SLX4: variants seen among roughly 807,000 people sequenced by gnomAD.
SLX4 encodes structure-specific endonuclease subunit SLX4.
Under a neutral mutation model 146.2 loss-of-function variants are expected in SLX4, and 112 were observed. The ratio of observed to expected loss-of-function variants is 0.77; its 90% CI spans 0.66 to 0.90. The LOEUF (loss-of-function observed/expected upper bound fraction) is 0.90. Among genes scored for constraint, SLX4 ranks in the 40% least tolerant of loss-of-function variants. SLX4 has a pLI of 0.00. For missense variants in SLX4, 2,563 were observed against 2,392.7 expected (o/e 1.07, Z -1.49); for synonymous variants, 1,061 against 997.7 (o/e 1.06, Z -1.20).
chr16:3,608,366 A>G lies in SLX4; in HGVS notation c.535+64T>C, dbSNP rs553879377. The G allele has an allele frequency of 1.0e-5, 16 of 1,591,230 alleles. No homozygotes were observed. In the African/African-American group the frequency reaches 2.1e-4, roughly 21 times the overall value. On this transcript the variant is annotated intron_variant, in intron 2 of 14. Transcript: ENST00000294008. ...AGTCTGTGTGGCCTACAAAGCCAAA[A>G]TATTTACGATCTGGCCCTTTCCAGG...
Position 3,602,089 on chromosome 16 carries a change from G to T in SLX4, c.950+29C>A, listed in dbSNP as rs757789193. 7 of 1,613,726 alleles carry T rather than the reference G, an allele frequency of 4.3e-6. No individual in the cohort carries two copies. In the African/African-American group the frequency reaches 9.3e-5, roughly 22 times the overall value. On this transcript the variant is annotated intron_variant, in intron 4 of 14. Transcript: ENST00000294008. ...CTTGGGGATTCTGGTCACATACACG[G>T]GAGAGGCGACGGCCCAAGCTGCCCC...
chr16:3,602,174 A>C lies in SLX4; in HGVS notation c.894T>G (p.Ile298Met). ...LEEKGLFFCQICQKNLSAMNV... is the reference protein window; with the variant it reads ...LEEKGLFFCQMCQKNLSAMNV... ...TCATGGCTGAGAGGTTCTTTTGACAAATCTGGCAGAAGAACAAACCCTTTT... is the reference window on the plus strand; with the variant it reads ...TCATGGCTGAGAGGTTCTTTTGACACATCTGGCAGAAGAACAAACCCTTTT... The change falls in exon 4 of 15, where the codon ATT becomes ATG. Residue 298 changes from isoleucine (I) to methionine (M), a missense_variant. Coordinates refer to ENST00000294008, the MANE Select transcript of SLX4 (RefSeq NM_032444.4). The C allele has an allele frequency of 6.2e-7, 1 of 1,614,122 alleles. No homozygotes were observed. Among genetic ancestry groups the C allele is most frequent in the Non-Finnish European group, 8.5e-7 (1 of 1,180,022 alleles).
intron 12 of SLX4, among the ~76,000 whole-genome samples, chr16:3,587,586 C>T (rs963554332): frequency 2.0e-5 from 3 of 152,234 alleles, no homozygotes; most frequent in African/African-American, 7.2e-5. Context: ...ACGATTCTTC[C>T]TGTGGCCGCA....
intron 3 of SLX4, among the ~76,000 whole-genome samples, chr16:3,605,813 G>A (rs2040775246): frequency 6.6e-6 from 1 of 151,812 alleles, no homozygotes; most frequent in African/African-American, 2.4e-5. Flanking sequence ...CAGGCGTGGT[G>A]GTGGGAGCCT....
At chr16:3,588,661 A>G (rs2040536171) in intron 12 of SLX4, among the ~76,000 whole-genome samples, 1 of 152,214 alleles carries the variant, frequency 6.6e-6, no homozygotes, top group African/African-American at 2.4e-5. Flanking sequence ...TCCAATCTTA[A>G]GGCATGCCGA....
intron 11 of SLX4, among the ~76,000 whole-genome samples, chr16:3,591,558 T>C (rs2040596331): frequency 6.6e-6 from 1 of 152,170 alleles, no homozygotes; most frequent in African/African-American, 2.4e-5. Flanking sequence ...TAAAGGGGTG[T>C]GTCGGACTGA....
rs35214951 is a variant in SLX4, at chr16:3,604,819, C to CAAAAA, written c.760+1650_760+1654dup. Among the ~76,000 whole-genome samples, 412 of 106,012 alleles carry CAAAAA rather than the reference C, an allele frequency of 3.9e-3. 2 individuals carry two copies. Among genetic ancestry groups the CAAAAA allele is most frequent in the African/African-American group, 0.013 (380 of 29,192 alleles). The allele number at this position is 106,012 out of a possible 152,430, so 69.5% of individuals were successfully genotyped here. ...TGGGAGACAGACCAAGACTCCATCT[C>CAAAAA]AAAAAAAAAAAAAAATGTATATTTA... On this transcript the variant is annotated intron_variant, in intron 3 of 14. Transcript: ENST00000294008.
At chr16:3,588,812 A>G (rs962921979) in intron 12 of SLX4, among the ~76,000 whole-genome samples, 190 bp downstream of exon 12, 37 of 152,268 alleles carry the variant, frequency 2.4e-4, no homozygotes, top group Middle Eastern at 3.4e-3. Context: ...CTGGCTGAGA[A>G]GTGTAGCATG....
chr16:3,600,641 T>A (rs2040716120), intron 5 of SLX4: 1 of 292,496 alleles, frequency 3.4e-6, no homozygotes, highest in Non-Finnish European at 6.5e-6. Context: ...TCTCACTCTG[T>A]CCAGGCTGGA....
Position 3,591,220 on chromosome 16 carries a change from C to G in SLX4, c.2418G>C (p.Glu806Asp). The stretch of plus-strand genomic sequence containing the variant: ...AATTCTCGGCCCTGCTTTCGCAATT[C>G]TCTGCTTCCTTCTCCTCCCATGGTT... ...EGKPWEEKEA[E>D]NCESRAENFQ... Residue 806 changes from glutamate (E) to aspartate (D), a missense_variant, in exon 12 of 15, where the codon GAG becomes GAC. Physicochemically the swap from Glu to Asp is conservative, Grantham distance 45. Coordinates refer to ENST00000294008, the MANE Select transcript of SLX4 (RefSeq NM_032444.4). 1 of 1,613,920 alleles carries G rather than the reference C, an allele frequency of 6.2e-7. No homozygotes were observed. The highest frequency in any genetic ancestry group is 8.5e-7 in the Non-Finnish European group (1 of 1,180,046).
Position 3,590,458 on chromosome 16 carries a change from C to G in SLX4, c.3180G>C (p.Arg1060=), listed in dbSNP as rs747169328. Residue 1060 remains arginine, a synonymous_variant, in exon 12 of 15, where the codon CGG becomes CGC. Transcript: ENST00000294008. The surrounding 1 kb of genome is among the most constrained non-coding windows in gnomAD (Gnocchi z 4.8). ...CCACCTGGGAAGTTCCGCCACGGGA[C>G]CGGGGTGTTGACAGGGACGACCCAC... is the stretch of plus-strand genomic sequence containing the variant. ...HTSGSSLSTP[R]SRGGTSQVGS... is the part of the protein sequence containing the mutation. 1.2e-6 allele frequency: 2 copies of G among 1,614,136 alleles called. No individual in the cohort carries two copies. Among genetic ancestry groups the G allele is most frequent in the Admixed American group, 3.3e-5 (2 of 60,028 alleles).
Position 3,590,170 on chromosome 16 carries a change from G to A in SLX4, c.3468C>T (p.Asp1156=), listed in dbSNP as rs1567170105. The part of the protein sequence containing the change: ...NEEDEVILLL[D]SDEELELEQT... ...GTTCTAGCTCCAGCTCCTCATCCGA[G>A]TCCAGTAAGAGGATGACCTCATCTT... The change falls in exon 12 of 15, where the codon GAC becomes GAT. Residue 1156 remains aspartate (D), a synonymous_variant. Transcript: ENST00000294008. This position sits in a 1 kb window ranked among gnomAD's most constrained non-coding sequence, Gnocchi z 4.8. The A allele has an allele frequency of 6.2e-7, 1 of 1,614,182 alleles. No homozygotes were observed. Among genetic ancestry groups the A allele is most frequent in the African/African-American group, 1.3e-5 (1 of 75,050 alleles).
rs372956623 is a variant in SLX4, at chr16:3,601,027, C to T, written c.1115G>A (p.Arg372Gln). 194 of 1,613,798 alleles carry T rather than the reference C, an allele frequency of 1.2e-4. No individual in the cohort carries two copies. Among genetic ancestry groups the T allele is most frequent in the Admixed American group, 2.0e-4 (12 of 59,988 alleles). ...ACCCTCAGGCTGTGCTGTCTGCAGC[C>T]GCACAGCCTGAAGCAGGAGCTGGGG... ...VGPQLLLQAV[R>Q]LQTAQPEGSS... is the part of the protein sequence containing the mutation. Residue 372 changes from arginine to glutamine, a missense_variant, in exon 5 of 15, where the codon CGG becomes CAG. Transcript: ENST00000294008.
At chr16:3,608,327 A>C in intron 2 of SLX4, 103 bp downstream of exon 2, 1 of 1,167,408 alleles carries the variant, frequency 8.6e-7, no homozygotes, top group South Asian at 1.2e-5. Flanking sequence ...AGCAGAGTTG[A>C]GTAGTTGTGA....
intron 9 of SLX4, 76 bp downstream of exon 9, chr16:3,595,529 G>T: frequency 1.3e-6 from 2 of 1,540,608 alleles, no homozygotes; most frequent in Non-Finnish European, 1.8e-6. Flanking sequence ...AGAGGCCAGC[G>T]GTGAGCCAAC....
At chr16:3,586,007 CAAT>C (rs1309437652) in intron 12 of SLX4, among the ~76,000 whole-genome samples, 1 of 150,972 alleles carries the variant, frequency 6.6e-6, no homozygotes, top group Non-Finnish European at 1.5e-5. Context: ...TGTCTCAAAA[CAAT>C]AACAACAACA....
At position 3,583,386 on chromosome 16, in the gene SLX4, G is replaced by C. The variant is rs1009469961; in HGVS notation, c.4864C>G (p.Gln1622Glu). The change falls in exon 14 of 15, where the codon CAG becomes GAG. Residue 1622 changes from glutamine (Q) to glutamate (E), a missense_variant. Physicochemically the swap from Gln to Glu is conservative, Grantham distance 29. Transcript: ENST00000294008. Reference sequence around the variant, plus strand: ...GCGAGGGTCTGGCAGTGAGGCGCCTGCAACAGCGGCTGTGAGGACTGGCTC... The same window carrying C: ...GCGAGGGTCTGGCAGTGAGGCGCCTCCAACAGCGGCTGTGAGGACTGGCTC... ...DESQSSQPLL[Q>E]APHCQTLASQ... 3.1e-6 allele frequency: 5 copies of C among 1,613,032 alleles called. No individual in the cohort carries two copies. The African/African-American group carries it at 6.7e-5, about 22-fold the overall frequency.
rs752306218 is a variant in SLX4 at position 3,591,123 on chromosome 16, G to C, written c.2515C>G (p.His839Asp). 2 of 1,614,148 alleles carry C rather than the reference G, an allele frequency of 1.2e-6. No homozygotes were observed. The highest frequency in any genetic ancestry group is 3.3e-5 in the Admixed American group (2 of 60,024). The change falls in exon 12 of 15, where the codon CAC becomes GAC. Residue 839 changes from histidine (H) to aspartate (D), a missense_variant. His to Asp is a moderately conservative substitution (Grantham distance 81). Transcript: ENST00000294008. The part of the protein sequence containing the change: ...EAETLLKSKD[H>D]EEDQENVNEA... Reference sequence around the variant, plus strand: ...TTCACGTTTTCTTGATCTTCTTCGTGGTCCTTGGATTTCAACAAAGTCTCC... The same window carrying C: ...TTCACGTTTTCTTGATCTTCTTCGTCGTCCTTGGATTTCAACAAAGTCTCC...
Position 3,589,045 on chromosome 16 carries a change from T to C in SLX4, c.4593A>G (p.Pro1531=). The part of the protein sequence containing the change: ...PPETPPPAQM[P]SAGGAQKPEG... ...CGGGCTTCTGAGCTCCACCAGCGCT[T>C]GGCATCTGGGCCGGAGGAGGGGTCT... The change falls in exon 12 of 15, where the codon CCA becomes CCG. Residue 1531 remains proline (P), a synonymous_variant. Transcript: ENST00000294008. This position sits in a 1 kb window ranked among gnomAD's most constrained non-coding sequence, Gnocchi z 6.2. 1 of 1,614,162 alleles carries C rather than the reference T, an allele frequency of 6.2e-7. No homozygotes were observed. Among genetic ancestry groups the C allele is most frequent in the Non-Finnish European group, 8.5e-7 (1 of 1,180,032 alleles).
Sources: gnomAD v4.1 joint callset for allele counts (sites outside exome capture counted in the v4.1 genomes callset) on GRCh38, gnomAD v4.1.1 for gene constraint, Gnocchi (gnomAD v3.1) non-coding constraint, MANE v1.5 for transcripts, NCBI Gene and HGNC (gene_info 2026-07-23, HGNC 2026-07-21) for gene names.